C1QTNF8: variants seen among roughly 807,000 people sequenced by gnomAD.
The protein encoded by C1QTNF8 is complement C1q tumor necrosis factor-related protein 8.
A neutral mutation model predicts 19.2 loss-of-function variants in C1QTNF8; 27 were observed. The observed-to-expected ratio is 1.41, with a 90% CI of 1.04 to 1.94. The LOEUF (loss-of-function observed/expected upper bound fraction) is 1.94, where lower values mean the gene tolerates loss of function less well. Ranked by LOEUF, C1QTNF8 falls within the 30% of genes most tolerant of loss-of-function variation. The pLI is 0.00. For synonymous variants in C1QTNF8, 208 were observed against 172.8 expected, an observed-to-expected ratio of 1.20 and a Z score of -1.60; for missense variants, 484 against 374.4, an observed-to-expected ratio of 1.29 and a Z score of -2.42.
At chr16:1,095,003 AGCCCG>A in intron 2 of C1QTNF8, 70 bp from the exon 3 acceptor site, 1 of 643,634 alleles carries the variant, frequency 1.6e-6, no homozygotes, top group Non-Finnish European at 2.3e-6. Flanking sequence ...ACCCTACGGC[AGCCCG>A]GCCCTGCCCC....
chr16:1,093,723 G>C lies in C1QTNF8; in HGVS notation c.537C>G (p.Tyr179Ter), dbSNP rs201027574. Reference protein sequence around the residue: ...NVHTWNYKETYLHIMLNRRPA... With the variant: ...NVHTWNYKET ...GCCGCCGGTTCAGCATGATGTGCAGGTAGGTCTCCTTGTAGTTCCAGGTGT... is the reference window on the plus strand; with the variant it reads ...GCCGCCGGTTCAGCATGATGTGCAGCTAGGTCTCCTTGTAGTTCCAGGTGT... Residue 179 changes from tyrosine to a stop codon, truncating the protein, a stop_gained, in exon 4 of 5, where the codon TAC (tyrosine) becomes TAG (stop). Coordinates refer to ENST00000328449, the MANE Select transcript of C1QTNF8 (RefSeq NM_207419.3). LOFTEE classifies it high-confidence loss of function. 1,394 of 1,612,300 alleles carry C rather than the reference G, an allele frequency of 8.6e-4. 17 individuals carry two copies. Among genetic ancestry groups the C allele is most frequent in the Non-Finnish European group, 1.2e-4 (147 of 1,179,686 alleles).
rs1567392853 is a variant in C1QTNF8, at chr16:1,093,522, G to C, written c.738C>G (p.Val246=). Residue 246 remains valine, a synonymous_variant, in exon 4 of 5, where the codon GTC becomes GTG. Coordinates refer to ENST00000328449, the MANE Select transcript of C1QTNF8 (RefSeq NM_207419.3). ...CCGGCTACAGCTCGGCGGCCGGCTT[G>C]ACCAGGTGGCCGCTGAAGGTGATGT... ...DLYITFSGHL[V]KPAAEL 6.5e-7 allele frequency: 1 copy of C among 1,547,692 alleles called. No individual in the cohort carries two copies. The highest frequency in any genetic ancestry group is 8.7e-7 in the Non-Finnish European group (1 of 1,143,802).
Position 1,089,750 on chromosome 16 carries a change from A to G in C1QTNF8, c.*849T>C, listed in dbSNP as rs1960504965. On this transcript the variant is annotated 3_prime_UTR_variant, in exon 5 of 5. Coordinates refer to ENST00000328449, the MANE Select transcript of C1QTNF8 (RefSeq NM_207419.3). Reference sequence around the variant, plus strand: ...CCTCTTAGCGCCACCGGCCGTCAGCACACGGGGTAGGGCTGGGGGTGTCCC... The same window carrying G: ...CCTCTTAGCGCCACCGGCCGTCAGCGCACGGGGTAGGGCTGGGGGTGTCCC... Among the ~76,000 whole-genome samples, 1 of 152,084 alleles carries G rather than the reference A, an allele frequency of 6.6e-6. No individual in the cohort carries two copies.
intron 4 of C1QTNF8, 96 bp downstream of exon 4, chr16:1,093,401 C>CCCCA: frequency 1.6e-6 from 1 of 615,154 alleles, no homozygotes; most frequent in Non-Finnish European, 2.5e-6. Flanking sequence ...CACACCCACC[C>CCCCA]ACACACACAC....
chr16:1,094,743 C>A lies in C1QTNF8; in HGVS notation c.180G>T (p.Arg60=). The A allele has an allele frequency of 6.4e-7, 1 of 1,571,630 alleles. No homozygotes were observed. ...GDLWRGLPRV[R]PTIDIEILKG... ...TGAGGATTTCGATGTCTATAGTGGG[C>A]CGTACTCGAGGCAGCCCCCTCCACA... is the stretch of plus-strand genomic sequence containing the variant. The change falls in exon 3 of 5, where the codon CGG becomes CGT. Residue 60 remains arginine, a synonymous_variant. Coordinates refer to ENST00000328449, the MANE Select transcript of C1QTNF8 (RefSeq NM_207419.3).
intron 3 of C1QTNF8, 25 bp from the exon 4 acceptor site, chr16:1,094,076 G>A (rs766156851): frequency 2.2e-4 from 313 of 1,413,420 alleles, no homozygotes; most frequent in Non-Finnish European, 2.7e-4. Context: ...CGAAAGCCAC[G>A]GGTCGGGGCC....
chr16:1,090,109 C>G lies in C1QTNF8; in HGVS notation c.*490G>C, dbSNP rs1241970961. 2.0e-5 allele frequency: 3 copies of G among 152,554 alleles called. No individual in the cohort carries two copies. The highest frequency in any genetic ancestry group is 7.2e-5 in the African/African-American group (3 of 41,476). The allele number at this position is 152,554 out of a possible 1,614,324, so 9.5% of individuals were successfully genotyped here. ...CCAGCCACGGCCACCGGCCCCAGCC[C>G]CTCCTGTCCTTGGTTGTCACCACAC... is the stretch of plus-strand genomic sequence containing the variant. On this transcript the variant is annotated 3_prime_UTR_variant, in exon 5 of 5. Transcript: ENST00000328449.
rs111862121 is a variant in C1QTNF8, at chr16:1,092,261, G to A, written c.*4+1236C>T. Among the ~76,000 whole-genome samples the A allele has an allele frequency of 3.2e-4, 49 of 152,282 alleles. 1 individual carries two copies. The highest frequency in any genetic ancestry group is 1.1e-3 in the African/African-American group (46 of 41,548). On this transcript the variant is annotated intron_variant, in intron 4 of 4. Coordinates refer to ENST00000328449, the MANE Select transcript of C1QTNF8 (RefSeq NM_207419.3). ...CATGGCCCAGTCCCTGCACACAGTCGGCACTCAATCAATCCCTGCACACAG... is the reference window on the plus strand; with the variant it reads ...CATGGCCCAGTCCCTGCACACAGTCAGCACTCAATCAATCCCTGCACACAG...
chr16:1,094,638 G>C, intron 3 of C1QTNF8, 77 bp downstream of exon 3: 1 of 1,265,202 alleles, frequency 7.9e-7, no homozygotes, highest in South Asian at 1.4e-5. Context: ...CTCCTCCCAA[G>C]CCCCAGGTGC....
chr16:1,089,226 C>T lies in C1QTNF8; in HGVS notation c.*1373G>A, dbSNP rs1006193586. On this transcript the variant is annotated 3_prime_UTR_variant, in exon 5 of 5. Coordinates refer to ENST00000328449, the MANE Select transcript of C1QTNF8 (RefSeq NM_207419.3). ...CGGACCCCTGGCTCCCATCTCCCAT[C>T]CAGCCCTGCTCTCTCACCGGGGCCA... 7.2e-5 allele frequency among the ~76,000 whole-genome samples: 11 copies of T among 152,164 alleles called. No homozygotes were observed. Among genetic ancestry groups the T allele is most frequent in the African/African-American group, 2.7e-4 (11 of 41,438 alleles).
chr16:1,090,374 G>C lies in C1QTNF8; in HGVS notation c.*225C>G, dbSNP rs1019924175. Reference sequence around the variant, plus strand: ...CAGCAAATGGCGGGCCCCTGTAGCCGCCCCTCCTCCTGTCCTGCGCTGTTG... The same window carrying C: ...CAGCAAATGGCGGGCCCCTGTAGCCCCCCCTCCTCCTGTCCTGCGCTGTTG... On this transcript the variant is annotated 3_prime_UTR_variant, in exon 5 of 5. Coordinates refer to ENST00000328449, the MANE Select transcript of C1QTNF8 (RefSeq NM_207419.3). 6.6e-6 allele frequency: 1 copy of C among 152,344 alleles called. No individual in the cohort carries two copies. Among genetic ancestry groups the C allele is most frequent in the African/African-American group, 2.4e-5 (1 of 41,442 alleles). The allele number at this position is 152,344 out of a possible 1,614,324, so 9.4% of individuals were successfully genotyped here.
At position 1,089,919 on chromosome 16, in the gene C1QTNF8, G is replaced by T. The variant is rs1364142831; in HGVS notation, c.*680C>A. 1 of 152,336 alleles carries T rather than the reference G, an allele frequency of 6.6e-6. No homozygotes were observed. The highest frequency in any genetic ancestry group is 1.5e-5 in the Non-Finnish European group (1 of 68,142). 9.4% of individuals were successfully genotyped at this position (152,336 alleles called of 1,614,324 possible). On this transcript the variant is annotated 3_prime_UTR_variant, in exon 5 of 5. Coordinates refer to ENST00000328449, the MANE Select transcript of C1QTNF8 (RefSeq NM_207419.3). ...GGCTCCGACCCCTGCCGGTTGCCGG[G>T]CGCCCTGGGTGTGTCCCGCTATCCC...
intron 4 of C1QTNF8, among the ~76,000 whole-genome samples, chr16:1,093,284 A>ACTGCACACAGTCGGCGCTCAACCAATCC (rs1960596246): frequency 5.5e-5 from 6 of 108,622 alleles, no homozygotes; most frequent in Admixed American, 2.5e-4. Context: ...TCAACAAATC[A>ACTGCACACAGTCGGCGCTCAACCAATCC]CTGCACACAG....
rs768236099 is a variant in C1QTNF8 at position 1,093,454 on chromosome 16, A to ACGCGCG, written c.*4+42_*4+43insCGCGCG. On this transcript the variant is annotated intron_variant, in intron 4 of 4. Coordinates refer to ENST00000328449, the MANE Select transcript of C1QTNF8 (RefSeq NM_207419.3). ...CACACACACACACAGACACACACAC[A>ACGCGCG]CACGCGCGCGCGCGCCCGGTGCTCA... is the stretch of plus-strand genomic sequence containing the variant. 3.7e-5 allele frequency: 45 copies of ACGCGCG among 1,208,120 alleles called. 2 individuals are homozygous for ACGCGCG. In the African/African-American group the frequency reaches 5.6e-4, roughly 15 times the overall value. 74.8% of individuals were successfully genotyped at this position (1,208,120 alleles called of 1,614,324 possible). A position where few individuals can be genotyped will look rare whatever the true frequency, so the allele number is the denominator to read the frequency against.
Position 1,093,706 on chromosome 16 carries a change from T to A in C1QTNF8, c.554A>T (p.Asn185Ile). Reference sequence around the variant, plus strand: ...GTAGAGCACGGCCGCGGGCCGCCGGTTCAGCATGATGTGCAGGTAGGTCTC... The same window carrying A: ...GTAGAGCACGGCCGCGGGCCGCCGGATCAGCATGATGTGCAGGTAGGTCTC... ...YKETYLHIML[N>I]RRPAAVLYAQ... is the part of the protein sequence containing the mutation. The change falls in exon 4 of 5, where the codon AAC becomes ATC. Residue 185 changes from asparagine (N) to isoleucine (I), a missense_variant. Coordinates refer to ENST00000328449, the MANE Select transcript of C1QTNF8 (RefSeq NM_207419.3). 1 of 1,611,424 alleles carries A rather than the reference T, an allele frequency of 6.2e-7. No homozygotes were observed. The highest frequency in any genetic ancestry group is 8.5e-7 in the Non-Finnish European group (1 of 1,179,204).
chr16:1,094,018 G>T lies in C1QTNF8; in HGVS notation c.242C>A (p.Ala81Asp), dbSNP rs773146900. Residue 81 changes from alanine to aspartate, a missense_variant, in exon 4 of 5, where the codon GCC becomes GAC. Transcript: ENST00000328449. ...EKGEAGVRGRAGRSGKEGPPG... is the reference protein window; with the variant it reads ...EKGEAGVRGRDGRSGKEGPPG... ...CGGCCCCTCTTTCCCGCTCCTGCCGGCCCGACCTCGGACGCCGGCCTCACC... is the reference window on the plus strand; with the variant it reads ...CGGCCCCTCTTTCCCGCTCCTGCCGTCCCGACCTCGGACGCCGGCCTCACC... 15 of 1,482,154 alleles carry T rather than the reference G, an allele frequency of 1.0e-5. No individual in the cohort carries two copies. The highest frequency in any genetic ancestry group is 1.3e-5 in the Non-Finnish European group (15 of 1,132,990). The allele number at this position is 1,482,154 out of a possible 1,614,324, so 91.8% of individuals were successfully genotyped here.
rs779214281 is a variant in C1QTNF8, at chr16:1,094,060, G to A, written c.209-9C>T. On this transcript the variant is annotated splice_polypyrimidine_tract_variant and intron_variant, in intron 3 of 4. Transcript: ENST00000328449. ...GGCCTCACCCTTCTCACCTGCAGGG[G>A]ACAAACGAAAGCCACGGGTCGGGGC... 1.5e-5 allele frequency: 22 copies of A among 1,436,130 alleles called. No individual in the cohort carries two copies. In the African/African-American group the frequency reaches 3.1e-4, roughly 20 times the overall value. 89.0% of individuals were successfully genotyped at this position (1,436,130 alleles called of 1,614,324 possible). A position where few individuals can be genotyped will look rare whatever the true frequency, so the allele number is the denominator to read the frequency against.
chr16:1,092,279 G>A (rs1455345779), intron 4 of C1QTNF8, among the ~76,000 whole-genome samples: 3 of 152,096 alleles, frequency 2.0e-5, no homozygotes, highest in African/African-American at 7.2e-5. Flanking sequence ...ATCAATCCCT[G>A]CACACAGCTG....
chr16:1,096,189 C>G lies in C1QTNF8; in HGVS notation c.-219G>C, dbSNP rs1567394539. On this transcript the variant is annotated 5_prime_UTR_variant, in exon 1 of 5. Coordinates refer to ENST00000328449, the MANE Select transcript of C1QTNF8 (RefSeq NM_207419.3). ...CCGTCTGTGTTACTGTCCCAGCAAC[C>G]CAGCCGTCAAAGAGCCCTTTCATGC... The G allele has an allele frequency of 6.6e-6, 1 of 152,488 alleles. No individual in the cohort carries two copies. Among genetic ancestry groups the G allele is most frequent in the Non-Finnish European group, 1.5e-5 (1 of 68,256 alleles). 9.4% of individuals were successfully genotyped at this position (152,488 alleles called of 1,614,324 possible).
Sources: gnomAD v4.1 joint callset for allele counts (sites outside exome capture counted in the v4.1 genomes callset) on GRCh38, gnomAD v4.1.1 for gene constraint, MANE v1.5 for transcripts, NCBI Gene and HGNC (gene_info 2026-07-23, HGNC 2026-07-21) for gene names.